Variants in MYO16 observed in about 807,000 individuals in gnomAD.
MYO16 encodes the protein myosin XVI.
A neutral mutation model predicts 205.3 loss-of-function variants in MYO16; 94 were observed. The observed-to-expected ratio is 0.46, with a 90% CI of 0.39 to 0.54. MYO16 has a LOEUF of 0.54. MYO16 is among the 20% of genes least tolerant of loss of function. MYO16 has a pLI of 0.00. For synonymous variants in MYO16, 988 were observed against 954.0 expected (o/e 1.04, Z -0.66); for missense variants, 2,315 against 2,387.5 (o/e 0.97, Z 0.63).
At chr13:108,902,247 G>C (rs1179760384) in intron 15 of MYO16, among the ~76,000 whole-genome samples, 2 of 152,184 alleles carry the variant, frequency 1.3e-5, no homozygotes, top group African/African-American at 4.8e-5. Flanking sequence ...AACGCTGGCT[G>C]TGTCTAAGCA....
rs201469913 is a variant in MYO16, at chr13:108,712,772, C to T, written c.363+41C>T. 6.8e-4 allele frequency: 1,034 copies of T among 1,526,240 alleles called. 1 individual carries two copies. Among genetic ancestry groups the T allele is most frequent in the Non-Finnish European group, 8.9e-4 (989 of 1,114,336 alleles). 94.5% of individuals were successfully genotyped at this position (1,526,240 alleles called of 1,614,324 possible). ...GTCAGTGCCAGTGCATGGGGACACC[C>T]GGGGGAGAGTACATTACAGGTTCAA... On this transcript the variant is annotated intron_variant, in intron 3 of 34. Transcript: ENST00000457511.
At chr13:109,128,807 T>C (rs1318123729) in intron 31 of MYO16, among the ~76,000 whole-genome samples, 2 of 150,456 alleles carry the variant, frequency 1.3e-5, no homozygotes, top group African/African-American at 4.9e-5. Flanking sequence ...CTTTCACTCT[T>C]GTTGCTTAGG....
At chr13:108,636,117 T>G (rs529884154) in intron 1 of MYO16, among the ~76,000 whole-genome samples, 1 of 152,248 alleles carries the variant, frequency 6.6e-6, no homozygotes, top group African/African-American at 2.4e-5. Context: ...ATTCTAAATT[T>G]CTAAATATAT....
Position 109,051,973 on chromosome 13 carries a change from G to A in MYO16, c.2873-327G>A, listed in dbSNP as rs73618313. On this transcript the variant is annotated intron_variant, in intron 24 of 34. Coordinates refer to ENST00000457511, the MANE Select transcript of MYO16 (RefSeq NM_001198950.3). ...TAGAGACCATAAGTCTTCATGATTT[G>A]ACAAGTGCACAAAAGCCCCTTAGGT... 7.0e-3 allele frequency among the ~76,000 whole-genome samples: 1,059 copies of A among 152,140 alleles called. 9 individuals are homozygous for A. The highest frequency in any genetic ancestry group is 0.024 in the African/African-American group (999 of 41,532).
chr13:108,770,372 G>A (rs1370239464), intron 4 of MYO16, among the ~76,000 whole-genome samples: 7 of 152,054 alleles, frequency 4.6e-5, no homozygotes, highest in Non-Finnish European at 7.4e-5. Flanking sequence ...CTTTAAAAAA[G>A]CAATATTTTA....
chr13:108,824,373 T>C (rs1354336761), intron 9 of MYO16, among the ~76,000 whole-genome samples: 1 of 151,988 alleles, frequency 6.6e-6, no homozygotes, highest in Admixed American at 6.6e-5. Flanking sequence ...ATGGTGAAAA[T>C]GTACAAAAAG....
At chr13:109,109,248 A>G (rs1889211251) in intron 28 of MYO16, among the ~76,000 whole-genome samples, 2 of 152,202 alleles carry the variant, frequency 1.3e-5, no homozygotes. Context: ...CACGTATTAT[A>G]TGCCAGAAGC....
the MYO16 span, among the ~76,000 whole-genome samples, chr13:108,517,185 C>G: frequency 4.6e-5 from 7 of 152,128 alleles, no homozygotes; most frequent in Admixed American, 1.3e-4. Flanking sequence ...TCATCTTGGC[C>G]TTCCAAAGTG....
At chr13:108,627,171 A>G (rs1879774868), upstream of MYO16, among the ~76,000 whole-genome samples, 1 of 151,910 alleles carries the variant, frequency 6.6e-6, no homozygotes, top group Non-Finnish European at 1.5e-5. Context: ...TGCATTAGAA[A>G]TTAATTTTTG....
At chr13:108,903,665 T>G (rs1880824095) in intron 15 of MYO16, among the ~76,000 whole-genome samples, 1 of 152,224 alleles carries the variant, frequency 6.6e-6, no homozygotes, top group Non-Finnish European at 1.5e-5. Flanking sequence ...TAAGAAGCTA[T>G]CAGTAAATAC....
chr13:109,060,897 C>T (rs1035495190), intron 27 of MYO16, among the ~76,000 whole-genome samples: 1 of 152,162 alleles, frequency 6.6e-6, no homozygotes, highest in African/African-American at 2.4e-5. Context: ...CATCTTCTTC[C>T]AATCAAAGGC....
At chr13:109,046,219 T>A (rs1429672153) in intron 23 of MYO16, among the ~76,000 whole-genome samples, 1 of 152,188 alleles carries the variant, frequency 6.6e-6, no homozygotes, top group Non-Finnish European at 1.5e-5. Flanking sequence ...TGCCCCAAGG[T>A]ATATTTTCAA....
chr13:108,588,368 CT>C, the MYO16 span, among the ~76,000 whole-genome samples: 1 of 152,186 alleles, frequency 6.6e-6, no homozygotes, highest in Non-Finnish European at 1.5e-5. Context: ...TGCATCATTA[CT>C]GGCTCAGCGC....
At chr13:108,587,417 G>T in the MYO16 span, among the ~76,000 whole-genome samples, 40 of 152,086 alleles carry the variant, frequency 2.6e-4, no homozygotes, top group African/African-American at 9.2e-4. Context: ...ATAAACATCA[G>T]TTCTATTAGA....
intron 22 of MYO16, among the ~76,000 whole-genome samples, chr13:109,014,553 G>A (rs1178005872): frequency 6.6e-6 from 1 of 152,046 alleles, no homozygotes; most frequent in African/African-American, 2.4e-5. Flanking sequence ...AAATTACCTT[G>A]GGCAGTATGG....
At chr13:108,554,576 G>A in the MYO16 span, among the ~76,000 whole-genome samples, 1 of 152,088 alleles carries the variant, frequency 6.6e-6, no homozygotes, top group South Asian at 2.1e-4. Context: ...TCAGCCGGGC[G>A]TGGTGGCTCA....
At position 109,201,124 on chromosome 13, in the gene MYO16, C is replaced by T. The variant is rs577037486; in HGVS notation, c.5416-5485C>T. ...CATATCCTTTTCTCTACAGTTCTTG[C>T]GTTCTTTTAGATTAATTGGATATTT... On this transcript the variant is annotated intron_variant, in intron 34 of 34. Transcript: ENST00000457511. Among the ~76,000 whole-genome samples, 40 of 152,152 alleles carry T rather than the reference C, an allele frequency of 2.6e-4. No homozygotes were observed. The South Asian group carries it at 6.2e-3, about 24-fold the overall frequency.
intron 14 of MYO16, among the ~76,000 whole-genome samples, chr13:108,896,227 A>G (rs1474423548): frequency 6.6e-6 from 1 of 152,216 alleles, no homozygotes; most frequent in Non-Finnish European, 1.5e-5. Context: ...TATTTTTATG[A>G]CTTTAAAAAT....
chr13:108,802,185 C>T (rs1460737795), intron 6 of MYO16, among the ~76,000 whole-genome samples: 1 of 152,120 alleles, frequency 6.6e-6, no homozygotes, highest in Non-Finnish European at 1.5e-5. Flanking sequence ...GATCTCAAAA[C>T]ATATTTCTGC....
Sources: allele counts gnomAD v4.1 joint callset (sites outside exome capture counted in the v4.1 genomes callset), GRCh38; gene constraint gnomAD v4.1.1; transcripts MANE v1.5; gene names NCBI Gene and HGNC (gene_info 2026-07-23, HGNC 2026-07-21).